The following NLGN1 variants were observed in gnomAD, a reference collection of about 807,000 sequenced individuals.
NLGN1 encodes neuroligin 1.
NLGN1 carries 12 observed loss-of-function variants against 65.5 expected under a neutral mutation model. The ratio of observed to expected loss-of-function variants is 0.18; its 90% CI spans 0.12 to 0.30. NLGN1 has a LOEUF of 0.30. Among genes scored for constraint, NLGN1 ranks in the 10% least tolerant of loss-of-function variants. NLGN1 has a pLI of 1.00. For synonymous variants in NLGN1, 350 were observed against 359.5 expected (o/e 0.97, Z 0.30); for missense variants, 750 against 1,007.1 (o/e 0.74, Z 3.46).
chr3:174,121,523 G>A (rs1405909153), intron 4 of NLGN1, among the ~76,000 whole-genome samples: 2 of 152,102 alleles, frequency 1.3e-5, no homozygotes, highest in African/African-American at 4.8e-5. Flanking sequence ...CAGCAATTCT[G>A]GCTTGAGCTT....
At chr3:174,061,639 C>T (rs2152519228) in intron 4 of NLGN1, among the ~76,000 whole-genome samples, 1 of 152,210 alleles carries the variant, frequency 6.6e-6, no homozygotes, top group African/African-American at 2.4e-5. Flanking sequence ...AGCTAATTAA[C>T]TTGCTTAAAA....
chr3:174,055,013 C>A (rs768944457), intron 4 of NLGN1, among the ~76,000 whole-genome samples: 2 of 151,948 alleles, frequency 1.3e-5, no homozygotes, highest in African/African-American at 4.8e-5. Flanking sequence ...ACTAGAGTCA[C>A]CTCCTCCAGA....
intron 4 of NLGN1, among the ~76,000 whole-genome samples, chr3:174,077,263 G>A (rs1741207555): frequency 6.6e-6 from 1 of 151,596 alleles, no homozygotes. Flanking sequence ...AAGCATTATA[G>A]TACTTAGAAA....
intron 4 of NLGN1, among the ~76,000 whole-genome samples, chr3:174,082,363 AC>A (rs939073160): frequency 2.5e-4 from 38 of 152,280 alleles, no homozygotes; most frequent in African/African-American, 9.1e-4. Flanking sequence ...AATTAAAAAA[AC>A]AAATAATAAT....
intron 1 of NLGN1, among the ~76,000 whole-genome samples, chr3:173,429,522 T>C (rs1577412562): frequency 6.6e-6 from 1 of 152,142 alleles, no homozygotes; most frequent in Non-Finnish European, 1.5e-5. Flanking sequence ...TTCGTGGAGG[T>C]CATGGCTACC....
chr3:173,858,521 A>C (rs1219089150), intron 4 of NLGN1, among the ~76,000 whole-genome samples: 1 of 152,020 alleles, frequency 6.6e-6, no homozygotes, highest in African/African-American at 2.4e-5. Context: ...TGCCATTTGG[A>C]TAGGTTTCCA....
chr3:174,271,859 A>G (rs997923355), intron 4 of NLGN1, among the ~76,000 whole-genome samples: 2 of 151,762 alleles, frequency 1.3e-5, no homozygotes, highest in East Asian at 1.9e-4. Context: ...CATAATTGCA[A>G]TTATGAATTT....
intron 2 of NLGN1, among the ~76,000 whole-genome samples, chr3:173,578,050 C>A (rs953357883): frequency 3.3e-5 from 5 of 152,034 alleles, no homozygotes; most frequent in African/African-American, 1.2e-4. Context: ...TCCTGGCTAA[C>A]ATTGTGAAAC....
At chr3:173,396,931 G>A (rs3752769), upstream of NLGN1, among the ~76,000 whole-genome samples, 84,251 of 152,056 alleles carry the variant, frequency 0.55, 23,493 homozygotes, top group East Asian at 0.6. Flanking sequence ...CAGGCTAGTA[G>A]CTGAGTTTTC....
intron 4 of NLGN1, 127 bp from the exon 5 acceptor site, chr3:174,275,188 A>G: frequency 1.5e-6 from 1 of 664,000 alleles, no homozygotes; most frequent in Non-Finnish European, 2.6e-6. Context: ...TATAGTGGAA[A>G]ATAATTTTTA....
chr3:174,048,179 G>C (rs1055786676), intron 4 of NLGN1, among the ~76,000 whole-genome samples: 1 of 152,054 alleles, frequency 6.6e-6, no homozygotes, highest in African/African-American at 2.4e-5. Context: ...AAACATAACA[G>C]ATTTCATGGG....
chr3:174,286,985 A>G (rs1752201093), downstream of NLGN1, among the ~76,000 whole-genome samples: 1 of 151,604 alleles, frequency 6.6e-6, no homozygotes, highest in Admixed American at 6.6e-5. Context: ...TTTTGCATCC[A>G]AATAGTGCTT....
chr3:173,826,378 AT>A (rs1721339570), intron 4 of NLGN1, among the ~76,000 whole-genome samples: 1 of 152,094 alleles, frequency 6.6e-6, no homozygotes, highest in African/African-American at 2.4e-5. Flanking sequence ...AAAGGAACCC[AT>A]AACATTGGCT....
intron 2 of NLGN1, among the ~76,000 whole-genome samples, chr3:173,542,769 CT>C (rs1560412482): frequency 6.6e-6 from 1 of 151,982 alleles, no homozygotes. Flanking sequence ...ATACAGTTGT[CT>C]TTTATATTTA....
chr3:173,721,528 T>A (rs1770835318), intron 3 of NLGN1, among the ~76,000 whole-genome samples: 2 of 152,224 alleles, frequency 1.3e-5, no homozygotes. Context: ...TCATTTATAA[T>A]AATAGTAACA....
intron 3 of NLGN1, among the ~76,000 whole-genome samples, chr3:173,656,097 A>C (rs1560115389): frequency 6.6e-6 from 1 of 152,162 alleles, no homozygotes. Context: ...AAAGTTACAA[A>C]GTCATTTACT....
intron 4 of NLGN1, among the ~76,000 whole-genome samples, chr3:174,258,855 G>C (rs1217995565): frequency 1.3e-5 from 2 of 152,220 alleles, no homozygotes; most frequent in East Asian, 1.9e-4. Context: ...AAAAGAAAGG[G>C]AAGGGAGGAA....
chr3:174,164,818 G>GT lies in NLGN1; in HGVS notation c.647-110490dup, dbSNP rs202022854. Among the ~76,000 whole-genome samples, 760 of 151,758 alleles carry GT rather than the reference G, an allele frequency of 5.0e-3. 4 individuals carry two copies. The highest frequency in any genetic ancestry group is 0.015 in the African/African-American group (608 of 41,470). On this transcript the variant is annotated intron_variant, in intron 4 of 6. Coordinates refer to ENST00000457714, the Ensembl canonical transcript of NLGN1. The stretch of plus-strand genomic sequence containing the variant: ...TGATGGCGCTGGCTTTCCCAATGCT[G>GT]TTTTTTTCCAGTGCTGTGTAAAATG...
chr3:173,435,816 C>T (rs1352916524), intron 2 of NLGN1, among the ~76,000 whole-genome samples: 1 of 152,120 alleles, frequency 6.6e-6, no homozygotes, highest in Non-Finnish European at 1.5e-5. Context: ...TCCTGGGCAA[C>T]AGAGCAAGAC....
Sources: gnomAD v4.1 joint callset for allele counts (sites outside exome capture counted in the v4.1 genomes callset) on GRCh38, gnomAD v4.1.1 for gene constraint, MANE v1.5 for transcripts, NCBI Gene and HGNC (gene_info 2026-07-23, HGNC 2026-07-21) for gene names.